The following KPNA1 variants were observed in gnomAD, a reference collection of about 807,000 sequenced individuals.
The protein encoded by KPNA1 is importin subunit alpha-5.
KPNA1 carries 10 observed loss-of-function variants against 70.5 expected under a neutral mutation model. The observed-to-expected ratio is 0.14, with a 90% CI of 0.09 to 0.24. The LOEUF (loss-of-function observed/expected upper bound fraction) is 0.24. Ranked by LOEUF, KPNA1 falls within the 10% of genes least tolerant of loss-of-function variation. The pLI, the probability that KPNA1 is intolerant of heterozygous loss-of-function variation, is 1.00. For synonymous variants in KPNA1, 192 were observed against 221.9 expected (o/e 0.87, Z 1.20); for missense variants, 397 against 637.9 (o/e 0.62, Z 4.07).
At chr3:122,509,666 A>G (rs367905888) in intron 1 of KPNA1, among the ~76,000 whole-genome samples, 10 of 152,242 alleles carry the variant, frequency 6.6e-5, no homozygotes, top group African/African-American at 2.4e-4. Flanking sequence ...ACAATGTTTC[A>G]TATATAATCA....
chr3:122,480,499 C>T (rs2076558912), intron 2 of KPNA1, among the ~76,000 whole-genome samples: 1 of 151,454 alleles, frequency 6.6e-6, no homozygotes, highest in African/African-American at 2.4e-5. Context: ...TTTTCAGACA[C>T]ATACAAACTG....
Position 122,426,717 on chromosome 3 carries a change from T to C in KPNA1, c.*268A>G, listed in dbSNP as rs980478739. ...TGTGTATATTCCCATAACTCTAATGTAAGTGCGGATCTCCAAAGCCTAGGG... is the reference window on the plus strand; with the variant it reads ...TGTGTATATTCCCATAACTCTAATGCAAGTGCGGATCTCCAAAGCCTAGGG... On this transcript the variant is annotated 3_prime_UTR_variant, in exon 14 of 14. Coordinates refer to ENST00000344337, the MANE Select transcript of KPNA1 (RefSeq NM_002264.4). The C allele has an allele frequency of 2.8e-6, 1 of 351,534 alleles. No homozygotes were observed. Among genetic ancestry groups the C allele is most frequent in the African/African-American group, 2.1e-5 (1 of 48,066 alleles). The allele number at this position is 351,534 out of a possible 1,614,324, so 21.8% of individuals were successfully genotyped here. A position where few individuals can be genotyped will look rare whatever the true frequency, so the allele number is the denominator to read the frequency against.
At chr3:122,427,782 G>A in intron 12 of KPNA1, 66 bp from the exon 13 acceptor site, 2 of 1,092,064 alleles carry the variant, frequency 1.8e-6, no homozygotes, top group South Asian at 4.7e-5. Flanking sequence ...AAATTAGTGA[G>A]CAAGTCATCC....
intron 12 of KPNA1, 124 bp from the exon 13 acceptor site, chr3:122,427,840 CTT>C: frequency 3.5e-6 from 2 of 578,676 alleles, no homozygotes; most frequent in Non-Finnish European, 5.6e-6. Flanking sequence ...AACAAGCACT[CTT>C]TCAACCATAC....
chr3:122,468,881 C>T (rs1453206161), intron 2 of KPNA1, among the ~76,000 whole-genome samples: 2 of 152,170 alleles, frequency 1.3e-5, no homozygotes. Flanking sequence ...AAGGAAATCT[C>T]ATTCGAAATC....
At chr3:122,443,221 C>G (rs747961829) in intron 9 of KPNA1, 1 of 152,406 alleles carries the variant, frequency 6.6e-6, no homozygotes, top group Non-Finnish European at 1.5e-5. Flanking sequence ...AGCTGGAGAT[C>G]GACCTGCAAG....
rs555841005 is a variant in KPNA1, at chr3:122,476,858, C to T, written c.130-9429G>A. Reference sequence around the variant, plus strand: ...CAGTATGAAAAACAGTATGGAGGTTCCACAAAAAAAAAAAAAAAAAAAAAA... The same window carrying T: ...CAGTATGAAAAACAGTATGGAGGTTTCACAAAAAAAAAAAAAAAAAAAAAA... On this transcript the variant is annotated intron_variant, in intron 2 of 13. Coordinates refer to ENST00000344337, the MANE Select transcript of KPNA1 (RefSeq NM_002264.4). 9.6e-3 allele frequency among the ~76,000 whole-genome samples: 314 copies of T among 32,696 alleles called. 1 individual carries two copies. The highest frequency in any genetic ancestry group is 0.031 in the South Asian group (22 of 700). 21.4% of individuals were successfully genotyped at this position (32,696 alleles called of 152,430 possible).
intron 12 of KPNA1, among the ~76,000 whole-genome samples, chr3:122,431,966 G>A (rs2075916470): frequency 6.6e-6 from 1 of 151,994 alleles, no homozygotes; most frequent in Non-Finnish European, 1.5e-5. Context: ...ACCACACCTG[G>A]CTAATTTTTG....
chr3:122,513,498 T>C lies in KPNA1; in HGVS notation c.-6+1259A>G, dbSNP rs200231512. 1.4e-4 allele frequency among the ~76,000 whole-genome samples: 22 copies of C among 152,292 alleles called. No homozygotes were observed. In the East Asian group the frequency reaches 4.2e-3, roughly 29 times the overall value. ...TGTACTGCTTTCAAAATATTACAAA[T>C]GCAAAAGCTAGTTAAGACAAAAACA... On this transcript the variant is annotated intron_variant, in intron 1 of 13. Coordinates refer to ENST00000344337, the MANE Select transcript of KPNA1 (RefSeq NM_002264.4).
At chr3:122,505,679 C>G (rs1414849960) in intron 1 of KPNA1, among the ~76,000 whole-genome samples, 1 of 152,160 alleles carries the variant, frequency 6.6e-6, no homozygotes, top group Admixed American at 6.5e-5. Flanking sequence ...AGATGCAATA[C>G]TGGTGGTGAA....
chr3:122,489,118 T>C (rs2076666691), intron 2 of KPNA1, among the ~76,000 whole-genome samples: 1 of 151,610 alleles, frequency 6.6e-6, no homozygotes, highest in Non-Finnish European at 1.5e-5. Context: ...ATTTTACCTC[T>C]TTTTCATTCT....
At chr3:122,510,370 T>G (rs1354686396) in intron 1 of KPNA1, among the ~76,000 whole-genome samples, 1 of 152,212 alleles carries the variant, frequency 6.6e-6, no homozygotes, top group Non-Finnish European at 1.5e-5. Flanking sequence ...GCCTAGAAAG[T>G]AACCAGTCCT....
intron 2 of KPNA1, among the ~76,000 whole-genome samples, chr3:122,470,965 T>C (rs1412374738): frequency 2.0e-5 from 3 of 152,220 alleles, no homozygotes; most frequent in Non-Finnish European, 4.4e-5. Flanking sequence ...GATTGTCAGA[T>C]ACATCTTGGA....
Position 122,467,444 on chromosome 3 carries a change from A to T in KPNA1, c.130-15T>A. 1.3e-6 allele frequency: 2 copies of T among 1,501,086 alleles called. No individual in the cohort carries two copies. The highest frequency in any genetic ancestry group is 1.8e-6 in the Non-Finnish European group (2 of 1,081,272). The allele number at this position is 1,501,086 out of a possible 1,614,324, so 93.0% of individuals were successfully genotyped here. A position where few individuals can be genotyped will look rare whatever the true frequency, so the allele number is the denominator to read the frequency against. On this transcript the variant is annotated splice_polypyrimidine_tract_variant and intron_variant, in intron 2 of 13. Transcript: ENST00000344337. ...CGCTTGAATAACTGAAAGATAAAAG[A>T]TTGGTAGCAATGTAAATGTAAATTC...
chr3:122,452,681 A>AGGAGGGAG (rs1363860571), intron 6 of KPNA1, among the ~76,000 whole-genome samples: 1 of 81,454 alleles, frequency 1.2e-5, no homozygotes, highest in Non-Finnish European at 2.4e-5. Context: ...GAAGGAGGGA[A>AGGAGGGAG]GGAGGGAGGG....
chr3:122,501,124 G>A (rs2076824660), intron 1 of KPNA1, among the ~76,000 whole-genome samples: 1 of 150,252 alleles, frequency 6.7e-6, no homozygotes, highest in South Asian at 2.1e-4. Context: ...TGCCTCCCAG[G>A]TTCAAGTGAT....
At chr3:122,472,807 A>G (rs958845459) in intron 2 of KPNA1, among the ~76,000 whole-genome samples, 1 of 152,210 alleles carries the variant, frequency 6.6e-6, no homozygotes, top group African/African-American at 2.4e-5. Context: ...CAGGCACAGT[A>G]TACTGGCTCA....
intron 5 of KPNA1, among the ~76,000 whole-genome samples, chr3:122,456,254 G>A (rs973627557): frequency 6.6e-6 from 1 of 152,102 alleles, no homozygotes; most frequent in African/African-American, 2.4e-5. Flanking sequence ...GTCATATGAT[G>A]TAAGTATAAA....
At chr3:122,509,971 A>G (rs1267425019) in intron 1 of KPNA1, among the ~76,000 whole-genome samples, 2 of 152,234 alleles carry the variant, frequency 1.3e-5, no homozygotes, top group Admixed American at 1.3e-4. Context: ...AAAAGCTTCT[A>G]GAGATTGGGG....
Sources: gnomAD v4.1 joint callset for allele counts (sites outside exome capture counted in the v4.1 genomes callset) on GRCh38, gnomAD v4.1.1 for gene constraint, MANE v1.5 for transcripts, NCBI Gene and HGNC (gene_info 2026-07-23, HGNC 2026-07-21) for gene names.